BNC2: variants seen among roughly 807,000 people sequenced by gnomAD.
BNC2 encodes the protein zinc finger protein basonuclin-2.
In BNC2, 20 loss-of-function variants were observed where a neutral mutation model predicts 76.3. That is an observed-to-expected ratio of 0.26 (90% CI 0.18 to 0.38). The LOEUF (loss-of-function observed/expected upper bound fraction) is 0.38. Among genes scored for constraint, BNC2 ranks in the 10% least tolerant of loss-of-function variants. The pLI, the probability that BNC2 is intolerant of heterozygous loss-of-function variation, is 1.00. For missense variants in BNC2, 1,382 were observed against 1,399.8 expected (o/e 0.99, Z 0.20); for synonymous variants, 582 against 514.8 (o/e 1.13, Z -1.77).
intron 3 of BNC2, among the ~76,000 whole-genome samples, chr9:16,687,042 T>A (rs894352236): frequency 6.6e-6 from 1 of 151,686 alleles, no homozygotes; most frequent in African/African-American, 2.4e-5. Context: ...CTCTCAACAC[T>A]CTTACGGAGT....
At chr9:16,695,521 TTTTC>T (rs889555376) in intron 3 of BNC2, among the ~76,000 whole-genome samples, 2 of 137,636 alleles carry the variant, frequency 1.5e-5, no homozygotes, top group African/African-American at 5.3e-5. Flanking sequence ...AGCTAAATTT[TTTTC>T]TTTTTCTTTC....
chr9:16,813,804 TTTTG>T (rs1299124349), intron 1 of BNC2, among the ~76,000 whole-genome samples: 1 of 152,170 alleles, frequency 6.6e-6, no homozygotes, highest in African/African-American at 2.4e-5. Context: ...TTGGTTGGTT[TTTTG>T]TTTTTTTGTT....
At chr9:16,639,467 A>G (rs2133832795) in intron 3 of BNC2, among the ~76,000 whole-genome samples, 1 of 152,324 alleles carries the variant, frequency 6.6e-6, no homozygotes, top group South Asian at 2.1e-4. Flanking sequence ...ATCTCAATAC[A>G]CCACTGTTGA....
intron 3 of BNC2, among the ~76,000 whole-genome samples, chr9:16,684,814 T>A (rs913813950): frequency 6.6e-6 from 1 of 152,126 alleles, no homozygotes; most frequent in African/African-American, 2.4e-5. Context: ...AATGTCACAT[T>A]TACATTTTTA....
At chr9:16,657,553 G>C (rs1206367455) in intron 3 of BNC2, among the ~76,000 whole-genome samples, 1 of 152,300 alleles carries the variant, frequency 6.6e-6, no homozygotes, top group African/African-American at 2.4e-5. Context: ...AGTTCTGAAT[G>C]GAAGTTGAGA....
intron 3 of BNC2, among the ~76,000 whole-genome samples, chr9:16,711,281 G>A (rs1823839344): frequency 6.6e-6 from 1 of 152,162 alleles, no homozygotes; most frequent in Non-Finnish European, 1.5e-5. Flanking sequence ...GGGAAGGGGG[G>A]GCGGTTGTTA....
intron 1 of BNC2, among the ~76,000 whole-genome samples, chr9:16,844,378 T>G (rs1481747169): frequency 6.6e-6 from 1 of 151,886 alleles, no homozygotes; most frequent in African/African-American, 2.4e-5. Flanking sequence ...GAATTCAGTG[T>G]TCAATCAAGT....
At chr9:16,674,142 T>G (rs1822566462) in intron 3 of BNC2, among the ~76,000 whole-genome samples, 1 of 152,182 alleles carries the variant, frequency 6.6e-6, no homozygotes, top group South Asian at 2.1e-4. Flanking sequence ...CATCTTTGTT[T>G]TAGTGCAGTT....
chr9:16,726,255 T>C (rs773983162), intron 3 of BNC2, among the ~76,000 whole-genome samples: 6 of 152,194 alleles, frequency 3.9e-5, no homozygotes, highest in Admixed American at 2.0e-4. Flanking sequence ...GAGTTACTTA[T>C]TGGGTTGATG....
rs548305682 is a variant in BNC2 at position 16,854,418 on chromosome 9, T to A, written c.3+16228A>T. On this transcript the variant is annotated intron_variant, in intron 1 of 6. Transcript: ENST00000380672. ...ACAGAGATTAAATACACATACTCCCTCTTGATTTCTAGAGCAGTTTATTCC... is the reference window on the plus strand; with the variant it reads ...ACAGAGATTAAATACACATACTCCCACTTGATTTCTAGAGCAGTTTATTCC... Among the ~76,000 whole-genome samples the A allele has an allele frequency of 5.3e-5, 8 of 152,322 alleles. No individual in the cohort carries two copies. In the South Asian group the frequency reaches 1.4e-3, roughly 28 times the overall value.
At chr9:16,678,055 T>C (rs1822704352) in intron 3 of BNC2, among the ~76,000 whole-genome samples, 1 of 149,376 alleles carries the variant, frequency 6.7e-6, no homozygotes, top group Non-Finnish European at 1.5e-5. Context: ...AATGAGAGGA[T>C]GCAAAATAAA....
chr9:16,495,639 T>G (rs550421859), intron 5 of BNC2, among the ~76,000 whole-genome samples: 22 of 152,338 alleles, frequency 1.4e-4, no homozygotes, highest in African/African-American at 5.3e-4. Flanking sequence ...TGTGCTCTGG[T>G]TTGGGCTTTA....
At chr9:16,792,078 G>A (rs1817525959) in intron 1 of BNC2, among the ~76,000 whole-genome samples, 2 of 149,264 alleles carry the variant, frequency 1.3e-5, no homozygotes, top group Non-Finnish European at 3.0e-5. Context: ...CTCCAGCCTG[G>A]GTGATAGAAC....
At chr9:16,427,082 T>C (rs545580374) in intron 6 of BNC2, among the ~76,000 whole-genome samples, 5 of 152,334 alleles carry the variant, frequency 3.3e-5, no homozygotes, top group Admixed American at 1.3e-4. Flanking sequence ...AAACATCTCA[T>C]TCCTGACCAA....
At chr9:16,474,639 T>C (rs1456904874) in intron 5 of BNC2, among the ~76,000 whole-genome samples, 1 of 152,182 alleles carries the variant, frequency 6.6e-6, no homozygotes, top group Non-Finnish European at 1.5e-5. Context: ...ACACTTTGTT[T>C]TGAAAATTGC....
chr9:16,435,851 G>A lies in BNC2; in HGVS notation c.2343C>T (p.Pro781=). Residue 781 remains proline, a synonymous_variant, in exon 6 of 7, where the codon CCC becomes CCT. Coordinates refer to ENST00000380672, the MANE Select transcript of BNC2 (RefSeq NM_017637.6). ...VIKVKEEFTD[P]TYDMFYMSQY... ...GGCTCATGTAAAACATGTCGTAAGT[G>A]GGGTCTGTAAATTCTTCCTTCACCT... 2 of 1,613,882 alleles carry A rather than the reference G, an allele frequency of 1.2e-6. No homozygotes were observed. The highest frequency in any genetic ancestry group is 1.7e-6 in the Non-Finnish European group (2 of 1,179,796).
intron 3 of BNC2, among the ~76,000 whole-genome samples, chr9:16,714,257 C>A (rs1249414353): frequency 6.6e-6 from 1 of 152,208 alleles, no homozygotes; most frequent in African/African-American, 2.4e-5. Flanking sequence ...AACTATCTAG[C>A]AAACACAAAG....
Position 16,419,653 on chromosome 9 carries a change from G to C in BNC2, c.2640-4C>G. ...TAGGTTTATGTTGGCACTGTGTCTA[G>C]GAAAACAAGAGGGAAGGGGGGGTAC... On this transcript the variant is annotated splice_polypyrimidine_tract_variant and splice_region_variant and intron_variant, in intron 6 of 6. Transcript: ENST00000380672. The C allele has an allele frequency of 8.5e-7, 1 of 1,169,790 alleles. No homozygotes were observed. Among genetic ancestry groups the C allele is most frequent in the African/African-American group, 1.7e-5 (1 of 57,262 alleles). 72.5% of individuals were successfully genotyped at this position (1,169,790 alleles called of 1,614,324 possible).
intron 3 of BNC2, among the ~76,000 whole-genome samples, chr9:16,600,829 C>A (rs1820224544): frequency 1.3e-5 from 2 of 152,096 alleles, no homozygotes; most frequent in Non-Finnish European, 2.9e-5. Context: ...TACACCTGAG[C>A]TAGTAACCTG....
Sources: allele counts gnomAD v4.1 joint callset (sites outside exome capture counted in the v4.1 genomes callset), GRCh38; gene constraint gnomAD v4.1.1; transcripts MANE v1.5; gene names NCBI Gene and HGNC (gene_info 2026-07-23, HGNC 2026-07-21).